The following CNNM3 variants were observed in gnomAD, a reference collection of about 807,000 sequenced individuals.
The protein encoded by CNNM3 is cyclin and CBS domain divalent metal cation transport mediator 3, also known as metal transporter CNNM3.
In CNNM3, 47 loss-of-function variants were observed where a neutral mutation model predicts 57.1. The observed-to-expected ratio is 0.82, with a 90% CI of 0.65 to 1.05. The LOEUF is 1.05. Ranked by LOEUF, CNNM3 falls within the 50% of genes least tolerant of loss-of-function variation. The pLI, the probability that CNNM3 is intolerant of heterozygous loss-of-function variation, is 0.00. For synonymous variants in CNNM3, 507 were observed against 478.2 expected (o/e 1.06, Z -0.79); for missense variants, 957 against 973.7 (o/e 0.98, Z 0.23).
chr2:96,837,167 ATTC>A (rs2079700955), downstream of CNNM3: 1 of 152,152 alleles, frequency 6.6e-6, no homozygotes, highest in Non-Finnish European at 1.5e-5. Flanking sequence ...CTCTCACTCT[ATTC>A]TTTTTCAAAA....
At chr2:96,832,428 C>A in intron 7 of CNNM3, 124 bp from the exon 8 acceptor site, 3 of 1,528,322 alleles carry the variant, frequency 2.0e-6, no homozygotes, top group Non-Finnish European at 8.8e-7. Context: ...TCTGATACTT[C>A]CCAAGGCATC....
chr2:96,820,686 G>C (rs2079391913), intron 1 of CNNM3, among the ~76,000 whole-genome samples: 2 of 152,224 alleles, frequency 1.3e-5, no homozygotes, highest in South Asian at 4.1e-4. Flanking sequence ...AGCAGATTTG[G>C]TGCCACGGCA....
chr2:96,835,562 G>A (rs113982079), downstream of CNNM3, among the ~76,000 whole-genome samples: 24 of 150,518 alleles, frequency 1.6e-4, 1 homozygote, highest in Admixed American at 1.4e-3. Context: ...TCTGCCTCCC[G>A]GGTTCATGCC....
In CNNM3 at chr2:96,833,544, T is replaced by TA. The variant is rs199679720; in HGVS notation, c.*940dup. 146 of 147,264 alleles carry TA rather than the reference T, an allele frequency of 9.9e-4. No individual in the cohort carries two copies. Among genetic ancestry groups the TA allele is most frequent in the East Asian group, 2.0e-3 (10 of 5,086 alleles). 9.1% of individuals were successfully genotyped at this position (147,264 alleles called of 1,614,324 possible). A position where few individuals can be genotyped will look rare whatever the true frequency, so the allele number is the denominator to read the frequency against. ...GTTCATGAACCAGGTGGATCCTCTT[T>TA]AAAAAAAAAAAAGTTTTTGTTATAT... is the stretch of plus-strand genomic sequence containing the variant. On this transcript the variant is annotated 3_prime_UTR_variant, in exon 8 of 8. Coordinates refer to ENST00000305510, the MANE Select transcript of CNNM3 (RefSeq NM_017623.5).
chr2:96,834,316 CA>C lies in CNNM3; in HGVS notation c.*1702del, dbSNP rs1041543106. Among the ~76,000 whole-genome samples the C allele has an allele frequency of 6.7e-6, 1 of 148,720 alleles. No homozygotes were observed. Among genetic ancestry groups the C allele is most frequent in the Non-Finnish European group, 1.5e-5 (1 of 67,748 alleles). On this transcript the variant is annotated 3_prime_UTR_variant, in exon 8 of 8. Coordinates refer to ENST00000305510, the MANE Select transcript of CNNM3 (RefSeq NM_017623.5). ...TAATCAGAGTCGGCATCAGAGTTTT[CA>C]ATTTTTTATTTATTTATTATTATTA...
intron 4 of CNNM3, 70 bp downstream of exon 4, chr2:96,827,970 G>A (rs2079537902): frequency 6.3e-7 from 1 of 1,582,006 alleles, no homozygotes; most frequent in Non-Finnish European, 8.6e-7. Context: ...GGAGAAGAGG[G>A]GAGCAGGGGC....
intron 1 of CNNM3, among the ~76,000 whole-genome samples, chr2:96,817,750 G>GC (rs11308098): frequency 0.066 from 9,242 of 139,760 alleles, 323 homozygotes; most frequent in Middle Eastern, 0.13. Context: ...CGTCAGGATA[G>GC]CCCCCCCCCC....
chr2:96,821,253 G>A (rs754240891), intron 1 of CNNM3, among the ~76,000 whole-genome samples: 13 of 151,954 alleles, frequency 8.6e-5, no homozygotes, highest in Admixed American at 8.5e-4. Context: ...TATTTTTTCC[G>A]TGTTAAAGTC....
chr2:96,818,640 G>A (rs967296529), intron 1 of CNNM3, among the ~76,000 whole-genome samples: 2 of 152,092 alleles, frequency 1.3e-5, no homozygotes, highest in African/African-American at 4.8e-5. Context: ...TGAGCAGTTC[G>A]GAGATTGAAG....
At chr2:96,817,848 A>G (rs755314409) in intron 1 of CNNM3, among the ~76,000 whole-genome samples, 1 of 151,482 alleles carries the variant, frequency 6.6e-6, no homozygotes, top group Non-Finnish European at 1.5e-5. Context: ...TTGACTTTGT[A>G]GCAGGTCCAA....
At chr2:96,828,955 C>T (rs982941895) in intron 6 of CNNM3, 41 bp from the exon 7 acceptor site, 50 of 1,605,574 alleles carry the variant, frequency 3.1e-5, no homozygotes, top group African/African-American at 9.4e-5. Flanking sequence ...TTCTGCATCT[C>T]GCTTCACCAA....
In CNNM3 at chr2:96,817,155, T is replaced by C; in HGVS notation, c.878T>C (p.Leu293Pro). ...CGGCTGCGGGAGCGGGTGCTGGAGC[T>C]GGCGCGCGGCGGCGGCGACCCCTAC... ...PGRLRERVLE[L>P]ARGGGDPYSD... Residue 293 changes from leucine (L) to proline (P), a missense_variant, in exon 1 of 8, where the codon CTG becomes CCG. Physicochemically the swap from Leu to Pro is moderately conservative, Grantham distance 98. Coordinates refer to ENST00000305510, the MANE Select transcript of CNNM3 (RefSeq NM_017623.5). The C allele has an allele frequency of 7.0e-7, 1 of 1,423,184 alleles. No homozygotes were observed. 88.2% of individuals were successfully genotyped at this position (1,423,184 alleles called of 1,614,324 possible).
chr2:96,822,005 A>T (rs866637662), intron 1 of CNNM3, among the ~76,000 whole-genome samples: 2,227 of 142,354 alleles, frequency 0.016, 28 homozygotes, highest in South Asian at 0.031. Flanking sequence ...TATTATTATT[A>T]TTTTTTTTTT....
At chr2:96,831,040 C>G (rs1389500001) in intron 7 of CNNM3, among the ~76,000 whole-genome samples, 1 of 152,184 alleles carries the variant, frequency 6.6e-6, no homozygotes, top group East Asian at 1.9e-4. Flanking sequence ...CAGACCTAAT[C>G]CCAAAATAAT....
intron 7 of CNNM3, 83 bp downstream of exon 7, chr2:96,829,217 C>A: frequency 2.0e-6 from 3 of 1,464,998 alleles, no homozygotes; most frequent in Non-Finnish European, 1.8e-6. Context: ...CTCTCGCCGC[C>A]CCCCCACCCT....
At chr2:96,827,702 A>T in intron 3 of CNNM3, 29 bp from the exon 4 acceptor site, 15 of 1,600,964 alleles carry the variant, frequency 9.4e-6, no homozygotes, top group Non-Finnish European at 1.3e-5. Context: ...GCCCCAGTGG[A>T]CACTGTCCCT....
In CNNM3 at chr2:96,816,483, C is replaced by T. The variant is rs1183755230; in HGVS notation, c.206C>T (p.Pro69Leu). Residue 69 changes from proline (P) to leucine (L), a missense_variant, in exon 1 of 8, where the codon CCG becomes CTG. Pro to Leu is a moderately conservative substitution (Grantham distance 98). Around this residue, in one of 2 missense-constraint regions of CNNM3, gnomAD observed 466 missense variants for 403.1 expected, o/e 1.16. Transcript: ENST00000305510. ...ACCTTCCTCCTGCGCCTCTTCGGCC[C>T]GGGCTTCGCCAACAGCTCTTGGTCC... is the stretch of plus-strand genomic sequence containing the variant. ...DATFLLRLFG[P>L]GFANSSWSWV... is the part of the protein sequence containing the mutation. 2 of 1,457,780 alleles carry T rather than the reference C, an allele frequency of 1.4e-6. No individual in the cohort carries two copies. The highest frequency in any genetic ancestry group is 1.5e-5 in the African/African-American group (1 of 67,626). 90.3% of individuals were successfully genotyped at this position (1,457,780 alleles called of 1,614,324 possible).
At chr2:96,836,328 C>A (rs369141287), downstream of CNNM3, among the ~76,000 whole-genome samples, 3 of 151,634 alleles carry the variant, frequency 2.0e-5, no homozygotes, top group East Asian at 5.8e-4. Context: ...CTGCAACCTC[C>A]GCCTCCCAGT....
intron 2 of CNNM3, among the ~76,000 whole-genome samples, chr2:96,825,764 G>A (rs772742479): frequency 3.9e-4 from 59 of 152,234 alleles, no homozygotes; most frequent in Non-Finnish European, 5.3e-4. Context: ...AGCTGGGCGT[G>A]GTGGTGCGTG....
Sources: allele counts gnomAD v4.1 joint callset (sites outside exome capture counted in the v4.1 genomes callset), GRCh38; gene constraint gnomAD v4.1.1; regional missense constraint gnomAD v4.1.1; transcripts MANE v1.5; gene names NCBI Gene and HGNC (gene_info 2026-07-23, HGNC 2026-07-21).